CDK19: variants seen among roughly 807,000 people sequenced by gnomAD.
CDK19 encodes the protein cyclin-dependent kinase 19.
A neutral mutation model predicts 68.3 loss-of-function variants in CDK19; 20 were observed. The ratio of observed to expected loss-of-function variants is 0.29; its 90% CI spans 0.21 to 0.43. The LOEUF (loss-of-function observed/expected upper bound fraction) is 0.43. Among genes scored for constraint, CDK19 ranks in the 20% least tolerant of loss-of-function variants. The probability of loss-of-function intolerance (pLI) is 1.00; values close to 1 mark genes in which losing one functional copy is unlikely to be tolerated. For missense variants in CDK19, 339 were observed against 623.5 expected (o/e 0.54, Z 4.86); for synonymous variants, 221 against 222.8 (o/e 0.99, Z 0.07).
Position 110,746,149 on chromosome 6 carries a change from T to C in CDK19, c.181A>G (p.Met61Val). The C allele has an allele frequency of 6.3e-7, 1 of 1,599,488 alleles. No individual in the cohort carries two copies. The highest frequency in any genetic ancestry group is 8.5e-7 in the Non-Finnish European group (1 of 1,173,222). Residue 61 changes from methionine (M) to valine (V), a missense_variant, in exon 2 of 13, where the codon ATG becomes GTG. This residue lies in a region of CDK19 where 120 missense variants were observed against 224.0 expected (regional missense o/e 0.54). Coordinates refer to ENST00000368911, the MANE Select transcript of CDK19 (RefSeq NM_015076.5). ...ACTGCAATCTCTCTACAAGCCGACA[T>C]GGATATTCCTGTGCCTTCAATTTGC... is the stretch of plus-strand genomic sequence containing the variant. ...LKQIEGTGIS[M>V]SACREIALLR...
intron 1 of CDK19, among the ~76,000 whole-genome samples, chr6:110,761,591 C>T (rs891829357): frequency 5.3e-5 from 8 of 151,952 alleles, no homozygotes; most frequent in Non-Finnish European, 1.0e-4. Context: ...GTCCAAAAGG[C>T]GTCTGGACAC....
In CDK19 at chr6:110,815,367, G is replaced by C. The variant is rs879872978; in HGVS notation, c.-231C>G. On this transcript the variant is annotated 5_prime_UTR_variant, in exon 1 of 13. Coordinates refer to ENST00000368911, the MANE Select transcript of CDK19 (RefSeq NM_015076.5). ...CCTCCTCCTCCGCGACGGCGGCGGC[G>C]GCTCCCGCAGGCACCCCCAGTCCCG... 2.6e-6 allele frequency: 1 copy of C among 383,766 alleles called. No homozygotes were observed. 23.8% of individuals were successfully genotyped at this position (383,766 alleles called of 1,614,324 possible). A position where few individuals can be genotyped will look rare whatever the true frequency, so the allele number is the denominator to read the frequency against.
chr6:110,646,393 G>A, intron 4 of CDK19: 4 of 1,484,558 alleles, frequency 2.7e-6, no homozygotes, highest in South Asian at 1.3e-5. Context: ...TTCTGCCCAT[G>A]GGGCTGCTGG....
chr6:110,750,187 G>A (rs1168433758), intron 1 of CDK19, among the ~76,000 whole-genome samples: 1 of 145,726 alleles, frequency 6.9e-6, no homozygotes, highest in African/African-American at 2.5e-5. Flanking sequence ...TTATTAGAGA[G>A]GACTAAGATT....
intron 4 of CDK19, chr6:110,646,396 G>T: frequency 6.7e-7 from 1 of 1,484,514 alleles, no homozygotes; most frequent in Non-Finnish European, 8.9e-7. Context: ...TGCCCATGGG[G>T]CTGCTGGCGG....
intron 5 of CDK19, among the ~76,000 whole-genome samples, chr6:110,637,214 G>A (rs1779837714): frequency 6.6e-6 from 1 of 152,176 alleles, no homozygotes; most frequent in Admixed American, 6.5e-5. Flanking sequence ...CTCACAGAAG[G>A]GACCATCCTT....
At chr6:110,762,149 G>C (rs1385924399) in intron 1 of CDK19, among the ~76,000 whole-genome samples, 1 of 152,172 alleles carries the variant, frequency 6.6e-6, no homozygotes, top group East Asian at 1.9e-4. Flanking sequence ...AAATGGAGAA[G>C]AAGGATCCTC....
At chr6:110,647,330 C>T (rs1428907849) in intron 4 of CDK19, among the ~76,000 whole-genome samples, 1 of 148,332 alleles carries the variant, frequency 6.7e-6, no homozygotes, top group African/African-American at 2.5e-5. Flanking sequence ...GTAGAACCAG[C>T]GAAACCCAAG....
rs554812775 is a variant in CDK19 at position 110,811,537 on chromosome 6, G to A, written c.128+3472C>T. The stretch of plus-strand genomic sequence containing the variant: ...TGCTGGGATTAAAGGTGTGAGCCAC[G>A]GCGCCCGGCCAACAAAAGAACTTTT... On this transcript the variant is annotated intron_variant, in intron 1 of 12. Coordinates refer to ENST00000368911, the MANE Select transcript of CDK19 (RefSeq NM_015076.5). 1.1e-4 allele frequency among the ~76,000 whole-genome samples: 17 copies of A among 152,090 alleles called. No individual in the cohort carries two copies. In the East Asian group the frequency reaches 2.3e-3, roughly 21 times the overall value.
chr6:110,722,521 A>G (rs1317346010), intron 2 of CDK19, among the ~76,000 whole-genome samples: 1 of 151,154 alleles, frequency 6.6e-6, no homozygotes, highest in Non-Finnish European at 1.5e-5. Context: ...CAATATAGTG[A>G]GATCTCATCT....
At chr6:110,736,698 CT>C (rs1180533440) in intron 2 of CDK19, among the ~76,000 whole-genome samples, 1 of 152,114 alleles carries the variant, frequency 6.6e-6, no homozygotes, top group Non-Finnish European at 1.5e-5. Context: ...AAGCTATTTT[CT>C]TTGCTTAGAG....
Position 110,776,013 on chromosome 6 carries a change from C to T in CDK19, c.129-29812G>A, listed in dbSNP as rs11968959. ...ACCTTCACCATCTCTCAGATTTATACTGAATATCAGTGAAACAAGGTTTTT... is the reference window on the plus strand; with the variant it reads ...ACCTTCACCATCTCTCAGATTTATATTGAATATCAGTGAAACAAGGTTTTT... On this transcript the variant is annotated intron_variant, in intron 1 of 12. Coordinates refer to ENST00000368911, the MANE Select transcript of CDK19 (RefSeq NM_015076.5). 4.5e-3 allele frequency among the ~76,000 whole-genome samples: 678 copies of T among 152,302 alleles called. 6 individuals carry two copies. The highest frequency in any genetic ancestry group is 0.015 in the African/African-American group (604 of 41,560).
intron 4 of CDK19, among the ~76,000 whole-genome samples, chr6:110,641,205 G>A (rs1780139186): frequency 6.6e-6 from 1 of 152,074 alleles, no homozygotes; most frequent in Non-Finnish European, 1.5e-5. Context: ...AAAAAGTGTT[G>A]TACTTCAGGC....
chr6:110,648,779 G>A (rs1228741038), intron 4 of CDK19, among the ~76,000 whole-genome samples: 7 of 151,630 alleles, frequency 4.6e-5, no homozygotes, highest in African/African-American at 7.3e-5. Flanking sequence ...GTGCAGTGGC[G>A]CGATCTCGGC....
intron 4 of CDK19, among the ~76,000 whole-genome samples, chr6:110,655,400 T>C (rs1056345336): frequency 1.6e-4 from 24 of 151,838 alleles, no homozygotes; most frequent in African/African-American, 5.8e-4. Context: ...AAAAATCCTC[T>C]ATATGCTAAT....
At chr6:110,761,580 C>T (rs1422748272) in intron 1 of CDK19, among the ~76,000 whole-genome samples, 12 of 152,174 alleles carry the variant, frequency 7.9e-5, no homozygotes, top group East Asian at 7.7e-4. Context: ...CAAACCAAGA[C>T]GTCCAAAAGG....
At chr6:110,665,811 C>T (rs1318584921) in intron 4 of CDK19, among the ~76,000 whole-genome samples, 1 of 152,082 alleles carries the variant, frequency 6.6e-6, no homozygotes, top group Non-Finnish European at 1.5e-5. Context: ...TTGCAGTGAT[C>T]TCAGCTCACT....
chr6:110,785,974 C>G (rs956467367), intron 1 of CDK19, among the ~76,000 whole-genome samples: 8 of 149,448 alleles, frequency 5.4e-5, no homozygotes, highest in Non-Finnish European at 1.2e-4. Flanking sequence ...GAGCGAAACT[C>G]CATCTCAAAA....
At chr6:110,679,443 T>C (rs1228791069) in intron 2 of CDK19, among the ~76,000 whole-genome samples, 4 of 151,810 alleles carry the variant, frequency 2.6e-5, no homozygotes, top group African/African-American at 9.7e-5. Flanking sequence ...TGAAACACCA[T>C]CTCTACTAAA....
Sources: allele counts gnomAD v4.1 joint callset (sites outside exome capture counted in the v4.1 genomes callset), GRCh38; gene constraint gnomAD v4.1.1; regional missense constraint gnomAD v4.1.1; transcripts MANE v1.5; gene names NCBI Gene and HGNC (gene_info 2026-07-23, HGNC 2026-07-21).